The following TMEFF2 variants were observed in gnomAD, a reference collection of about 807,000 sequenced individuals.
TMEFF2 encodes the protein tomoregulin-2.
Under a neutral mutation model 53.8 loss-of-function variants are expected in TMEFF2, and 28 were observed. The observed-to-expected ratio is 0.52, with a 90% confidence interval of 0.39 to 0.71. The LOEUF is 0.71. Among genes scored for constraint, TMEFF2 ranks in the 30% least tolerant of loss-of-function variants. The pLI, the probability that TMEFF2 is intolerant of heterozygous loss-of-function variation, is 0.00. For missense variants in TMEFF2, 353 were observed against 455.2 expected, an observed-to-expected ratio of 0.78 and a Z score of 2.04; for synonymous variants, 162 against 166.3, an observed-to-expected ratio of 0.97 and a Z score of 0.20.
intron 8 of TMEFF2, among the ~76,000 whole-genome samples, chr2:191,954,129 C>T (rs529263634): frequency 2.0e-4 from 30 of 152,138 alleles, no homozygotes; most frequent in East Asian, 1.2e-3. Flanking sequence ...CCTCGTGATC[C>T]GCCCACCTCA....
intron 4 of TMEFF2, chr2:192,178,232 T>A (rs1032807317): frequency 2.0e-5 from 3 of 150,946 alleles, no homozygotes; most frequent in African/African-American, 7.3e-5. Context: ...AGCAACATTT[T>A]AAAAAATTAA....
At chr2:192,040,753 G>A (rs1687455922) in intron 5 of TMEFF2, among the ~76,000 whole-genome samples, 1 of 152,126 alleles carries the variant, frequency 6.6e-6, no homozygotes, top group Admixed American at 6.5e-5. Flanking sequence ...AGAAAATGAA[G>A]TCCAGTTGTA....
intron 7 of TMEFF2, among the ~76,000 whole-genome samples, chr2:191,958,138 G>T (rs1406035169): frequency 1.3e-5 from 2 of 152,164 alleles, no homozygotes; most frequent in Non-Finnish European, 2.9e-5. Context: ...TGCCAGGGCC[G>T]GGGGCTACAC....
intron 7 of TMEFF2, among the ~76,000 whole-genome samples, chr2:191,997,584 A>G (rs1686253437): frequency 6.6e-6 from 1 of 151,566 alleles, no homozygotes; most frequent in East Asian, 1.9e-4. Flanking sequence ...ATTTCTATAA[A>G]ATTTAAGTAT....
rs888280171 is a variant in TMEFF2, at chr2:191,971,025, AT to A, written c.746-14648del. Among the ~76,000 whole-genome samples the A allele has an allele frequency of 3.0e-3, 456 of 151,370 alleles. 2 individuals carry two copies. Among genetic ancestry groups the A allele is most frequent in the Non-Finnish European group, 4.7e-3 (316 of 67,746 alleles). ...AAGAGCTGATGTGTAGCTAAGATTC[AT>A]TTTTTTTTCTTCCCAGTTTTGAACA... On this transcript the variant is annotated intron_variant, in intron 7 of 9. Transcript: ENST00000272771.
Position 192,135,241 on chromosome 2 carries a change from C to T in TMEFF2, c.439+44427G>A, listed in dbSNP as rs540966589. On this transcript the variant is annotated intron_variant, in intron 4 of 9. Coordinates refer to ENST00000272771, the MANE Select transcript of TMEFF2 (RefSeq NM_016192.4). ...CAAGCCATCACAGCTGATATCTCCT[C>T]GTGCTATCCCCAAACGGCCACTCTT... Among the ~76,000 whole-genome samples the T allele has an allele frequency of 1.6e-4, 25 of 152,308 alleles. No individual in the cohort carries two copies. The South Asian group carries it at 4.6e-3, about 28-fold the overall frequency.
At chr2:192,138,205 T>C (rs1690056624) in intron 4 of TMEFF2, among the ~76,000 whole-genome samples, 1 of 152,212 alleles carries the variant, frequency 6.6e-6, no homozygotes, top group Non-Finnish European at 1.5e-5. Context: ...AGGATGCAAC[T>C]GTGTAATATA....
intron 4 of TMEFF2, among the ~76,000 whole-genome samples, chr2:192,110,747 T>C (rs939600589): frequency 1.3e-5 from 2 of 152,172 alleles, no homozygotes; most frequent in African/African-American, 4.8e-5. Context: ...TGCATTTACA[T>C]AGTTGATATG....
At chr2:191,967,161 A>G (rs1292285643) in intron 7 of TMEFF2, among the ~76,000 whole-genome samples, 1 of 152,126 alleles carries the variant, frequency 6.6e-6, no homozygotes, top group Non-Finnish European at 1.5e-5. Flanking sequence ...AACACTAATG[A>G]ACTACCCAGT....
rs1691564855 is a variant in TMEFF2 at position 192,194,740 on chromosome 2, T to A, written c.-216A>T. On this transcript the variant is annotated 5_prime_UTR_variant, in exon 1 of 10. Coordinates refer to ENST00000272771, the MANE Select transcript of TMEFF2 (RefSeq NM_016192.4). The surrounding 1 kb of genome is among the most constrained non-coding windows in gnomAD (Gnocchi z 4.2). ...TGGGCTCAGCCCCGGAGCGAGAGGG[T>A]CGTCCGCTGAGAAGCTGCGCCGGAG... The A allele has an allele frequency of 5.2e-6, 3 of 582,016 alleles. No homozygotes were observed. The South Asian group carries it at 6.1e-5, about 12-fold the overall frequency. 36.1% of individuals were successfully genotyped at this position (582,016 alleles called of 1,614,324 possible). A position where few individuals can be genotyped will look rare whatever the true frequency, so the allele number is the denominator to read the frequency against.
intron 7 of TMEFF2, among the ~76,000 whole-genome samples, chr2:191,979,716 T>G (rs796355171): frequency 2.0e-5 from 3 of 152,180 alleles, no homozygotes; most frequent in African/African-American, 7.2e-5. Context: ...TCTATACAAG[T>G]TCTTCCTTAA....
Position 191,949,973 on chromosome 2 carries a change from ATTATAT to A in TMEFF2, c.*332_*337del. The A allele has an allele frequency of 1.8e-6, 2 of 1,085,524 alleles. No individual in the cohort carries two copies. Among genetic ancestry groups the A allele is most frequent in the Non-Finnish European group, 2.2e-6 (2 of 891,268 alleles). 67.2% of individuals were successfully genotyped at this position (1,085,524 alleles called of 1,614,324 possible). On this transcript the variant is annotated 3_prime_UTR_variant, in exon 10 of 10. Coordinates refer to ENST00000272771, the MANE Select transcript of TMEFF2 (RefSeq NM_016192.4). ...TAGCTGTACAGATTGTACTAGTCTG[ATTATAT>A]TTACAGTTATGAGATACCGCAAATT...
chr2:192,184,907 G>T (rs1279650825), intron 2 of TMEFF2, among the ~76,000 whole-genome samples: 1 of 151,870 alleles, frequency 6.6e-6, no homozygotes. Flanking sequence ...GAAATATATA[G>T]CCAAAATGCC....
At chr2:192,112,599 C>A (rs1689309105) in intron 4 of TMEFF2, among the ~76,000 whole-genome samples, 1 of 152,058 alleles carries the variant, frequency 6.6e-6, no homozygotes, top group Non-Finnish European at 1.5e-5. Context: ...TGAGTTAAGA[C>A]TTTAGGGAAC....
Position 191,950,095 on chromosome 2 carries a change from T to A in TMEFF2, c.*216A>T, listed in dbSNP as rs1691824884. Reference sequence around the variant, plus strand: ...AAACTATATTGTGTGATATAAATAGTTTATTTACATTACAGAAAAAACATC... The same window carrying A: ...AAACTATATTGTGTGATATAAATAGATTATTTACATTACAGAAAAAACATC... On this transcript the variant is annotated 3_prime_UTR_variant, in exon 10 of 10. Coordinates refer to ENST00000272771, the MANE Select transcript of TMEFF2 (RefSeq NM_016192.4). The A allele has an allele frequency of 7.7e-7, 1 of 1,304,030 alleles. No individual in the cohort carries two copies. Among genetic ancestry groups the A allele is most frequent in the African/African-American group, 1.5e-5 (1 of 67,024 alleles). The allele number at this position is 1,304,030 out of a possible 1,614,324, so 80.8% of individuals were successfully genotyped here.
At chr2:192,071,366 T>C (rs2105916061) in intron 4 of TMEFF2, among the ~76,000 whole-genome samples, 1 of 151,952 alleles carries the variant, frequency 6.6e-6, no homozygotes. Flanking sequence ...TAACTTTACA[T>C]AACCTAGCAT....
At chr2:192,015,527 T>A (rs1457830908) in intron 5 of TMEFF2, among the ~76,000 whole-genome samples, 2 of 152,242 alleles carry the variant, frequency 1.3e-5, no homozygotes, top group East Asian at 3.9e-4. Context: ...ATATTCACGA[T>A]GTTTTTAAAC....
At chr2:191,998,578 AG>A (rs1258844565) in intron 6 of TMEFF2, among the ~76,000 whole-genome samples, 1 of 151,934 alleles carries the variant, frequency 6.6e-6, no homozygotes, top group Non-Finnish European at 1.5e-5. Flanking sequence ...AATTGGTCAA[AG>A]GAGTAACAAA....
intron 4 of TMEFF2, among the ~76,000 whole-genome samples, chr2:192,158,445 G>A (rs536741895): frequency 9.7e-4 from 148 of 152,220 alleles, no homozygotes; most frequent in Non-Finnish European, 1.5e-3. Flanking sequence ...TTGGCACAGA[G>A]TTGGTATTTC....
Sources: gnomAD v4.1 joint callset for allele counts (sites outside exome capture counted in the v4.1 genomes callset) on GRCh38, gnomAD v4.1.1 for gene constraint, Gnocchi (gnomAD v3.1) non-coding constraint, MANE v1.5 for transcripts, NCBI Gene and HGNC (gene_info 2026-07-23, HGNC 2026-07-21) for gene names.